Variants in DOCK1 observed in about 807,000 individuals in gnomAD.
DOCK1 encodes dedicator of cytokinesis 1, also known as dedicator of cytokinesis protein 1.
A neutral mutation model predicts 262.7 loss-of-function variants in DOCK1; 138 were observed. That is an observed-to-expected ratio of 0.53 (90% CI 0.46 to 0.61). DOCK1 has a LOEUF of 0.61. DOCK1 is among the 20% of genes least tolerant of loss of function. DOCK1 has a pLI of 0.00. For synonymous variants in DOCK1, 866 were observed against 867.4 expected (o/e 1.00, Z 0.03); for missense variants, 1,908 against 2,370.7 (o/e 0.80, Z 4.05).
Position 126,950,042 on chromosome 10 carries a change from CCTCT to C in DOCK1, c.47-20657_47-20654del, listed in dbSNP as rs1401623837. Among the ~76,000 whole-genome samples, 16 of 145,548 alleles carry C rather than the reference CCTCT, an allele frequency of 1.1e-4. No homozygotes were observed. In the South Asian group the frequency reaches 2.4e-3, roughly 22 times the overall value. ...GCGTCTTTGAGGAGCCATCTAACAT[CCTCT>C]CTAAGCCTCATTTTTTTTTTCCATT... On this transcript the variant is annotated intron_variant, in intron 1 of 51. Transcript: ENST00000623213.
chr10:127,007,089 G>C (rs372910060), intron 10 of DOCK1, among the ~76,000 whole-genome samples: 7 of 152,214 alleles, frequency 4.6e-5, no homozygotes, highest in African/African-American at 1.7e-4. Flanking sequence ...CCCGTGTCCA[G>C]ACCATGCATC....
intron 36 of DOCK1, among the ~76,000 whole-genome samples, chr10:127,381,005 T>C (rs1472783543): frequency 6.6e-6 from 1 of 152,230 alleles, no homozygotes; most frequent in Non-Finnish European, 1.5e-5. Flanking sequence ...CACAATCAAG[T>C]ATTGTGTGTC....
intron 27 of DOCK1, among the ~76,000 whole-genome samples, chr10:127,163,117 G>T (rs1203380884): frequency 6.6e-6 from 1 of 152,188 alleles, no homozygotes; most frequent in Non-Finnish European, 1.5e-5. Flanking sequence ...CCATGCCACT[G>T]TGGAATCTGA....
At chr10:127,213,932 G>A (rs943827876) in intron 27 of DOCK1, among the ~76,000 whole-genome samples, 1 of 152,068 alleles carries the variant, frequency 6.6e-6, no homozygotes, top group Non-Finnish European at 1.5e-5. Flanking sequence ...CTCCGCCTCT[G>A]GGGTTCACGC....
chr10:127,013,952 G>T (rs1187251777), intron 12 of DOCK1, among the ~76,000 whole-genome samples: 1 of 152,228 alleles, frequency 6.6e-6, no homozygotes, highest in Non-Finnish European at 1.5e-5. Flanking sequence ...TTTATCACCA[G>T]CAGCCCAGGC....
chr10:126,960,973 A>G (rs913325821), intron 1 of DOCK1, among the ~76,000 whole-genome samples: 6 of 151,888 alleles, frequency 4.0e-5, no homozygotes, highest in African/African-American at 1.4e-4. Flanking sequence ...TACTGTGTCT[A>G]TCAGTTCAGT....
At chr10:127,409,922 G>A (rs7895671) in intron 42 of DOCK1, among the ~76,000 whole-genome samples, 38,571 of 152,118 alleles carry the variant, frequency 0.25, 5,161 homozygotes, top group African/African-American at 0.32. Context: ...TGAGTCAACT[G>A]TCCATATTTG....
intron 13 of DOCK1, among the ~76,000 whole-genome samples, chr10:127,020,506 G>T (rs983583642): frequency 6.6e-6 from 1 of 151,614 alleles, no homozygotes; most frequent in East Asian, 1.9e-4. Flanking sequence ...GGTCAAAGCC[G>T]TAGTGAGCCA....
intron 27 of DOCK1, among the ~76,000 whole-genome samples, chr10:127,232,625 C>T (rs1178900882): frequency 6.6e-6 from 1 of 152,196 alleles, no homozygotes; most frequent in African/African-American, 2.4e-5. Flanking sequence ...CCTGTTGACC[C>T]TGTTTCCATT....
chr10:127,415,725 G>A (rs766809050), intron 44 of DOCK1, among the ~76,000 whole-genome samples: 4 of 152,206 alleles, frequency 2.6e-5, no homozygotes, highest in East Asian at 1.9e-4. Context: ...AAGAAATAAC[G>A]ATTTCCAGCT....
intron 27 of DOCK1, among the ~76,000 whole-genome samples, chr10:127,130,883 A>C (rs73378486): frequency 0.011 from 1,686 of 152,296 alleles, 29 homozygotes; most frequent in African/African-American, 0.038. Flanking sequence ...CCACTTCAGA[A>C]GTCATCGAAA....
intron 1 of DOCK1, among the ~76,000 whole-genome samples, chr10:126,968,747 A>C (rs1395412017): frequency 1.3e-5 from 2 of 152,170 alleles, no homozygotes; most frequent in African/African-American, 4.8e-5. Context: ...CTGAAGGTTT[A>C]CGAATACGGT....
At chr10:127,119,050 T>TC (rs1284400539) in intron 25 of DOCK1, among the ~76,000 whole-genome samples, 2 of 1,678 alleles carry the variant, frequency 1.2e-3, no homozygotes, top group Non-Finnish European at 0.045. Context: ...GGAATCAGGC[T>TC]TTTTTTTTTT....
At chr10:127,262,605 A>G (rs561518367) in intron 29 of DOCK1, among the ~76,000 whole-genome samples, 1 of 152,332 alleles carries the variant, frequency 6.6e-6, no homozygotes, top group Non-Finnish European at 1.5e-5. Flanking sequence ...TCATGTGGTA[A>G]GATACTTGAA....
rs148184701 is a variant in DOCK1 at position 127,193,400 on chromosome 10, C to T, written c.2848-54608C>T. Among the ~76,000 whole-genome samples the T allele has an allele frequency of 5.3e-4, 80 of 152,266 alleles. No individual in the cohort carries two copies. The East Asian group carries it at 7.2e-3, about 14-fold the overall frequency. On this transcript the variant is annotated intron_variant, in intron 27 of 51. Transcript: ENST00000623213. ...AGCATCCTTCACAAGCGTTAAAATC[C>T]GTGGTGAACCTGTCACTGCCCTCCT...
chr10:127,402,996 T>A lies in DOCK1; in HGVS notation c.3928-59T>A, dbSNP rs983258322. 2.1e-5 allele frequency: 30 copies of A among 1,454,756 alleles called. 1 individual carries two copies. Among genetic ancestry groups the A allele is most frequent in the Non-Finnish European group, 2.8e-5 (30 of 1,065,922 alleles). The allele number at this position is 1,454,756 out of a possible 1,614,324, so 90.1% of individuals were successfully genotyped here. On this transcript the variant is annotated intron_variant, in intron 38 of 51. Coordinates refer to ENST00000623213, the MANE Select transcript of DOCK1 (RefSeq NM_001290223.2). ...TATTTTGAATGATTGCATTCCTGTT[T>A]GACTCTTTGCACAATTCAGGCCTCG... is the stretch of plus-strand genomic sequence containing the variant.
rs2036174979 is a variant in DOCK1, at chr10:126,951,047, GTGA to G, written c.47-19652_47-19650del. Reference sequence around the variant, plus strand: ...AGTATTGTTGGTAGTAGTAGTATTGGTGATGGTGGTGGTAGTATTGTTTTTGGT... The same window carrying G: ...AGTATTGTTGGTAGTAGTAGTATTGGTGGTGGTGGTAGTATTGTTTTTGGT... On this transcript the variant is annotated intron_variant, in intron 1 of 51. Coordinates refer to ENST00000623213, the MANE Select transcript of DOCK1 (RefSeq NM_001290223.2). Among the ~76,000 whole-genome samples the G allele has an allele frequency of 7.2e-5, 11 of 152,042 alleles. No individual in the cohort carries two copies. In the South Asian group the frequency reaches 2.3e-3, roughly 32 times the overall value.
At chr10:127,016,820 C>T in intron 12 of DOCK1, among the ~76,000 whole-genome samples, 1 of 145,266 alleles carries the variant, frequency 6.9e-6, no homozygotes, top group Admixed American at 6.9e-5. Context: ...CAAACACACA[C>T]ACAGATACAC....
At chr10:126,986,166 GT>G (rs1276693711) in intron 4 of DOCK1, among the ~76,000 whole-genome samples, 1 of 152,120 alleles carries the variant, frequency 6.6e-6, no homozygotes, top group African/African-American at 2.4e-5. Context: ...CTTCATAGCA[GT>G]TTTCTAGGGG....
Sources: allele counts gnomAD v4.1 joint callset (sites outside exome capture counted in the v4.1 genomes callset), GRCh38; gene constraint gnomAD v4.1.1; transcripts MANE v1.5; gene names NCBI Gene and HGNC (gene_info 2026-07-23, HGNC 2026-07-21).